MARCHF1: variants seen among roughly 807,000 people sequenced by gnomAD.
The protein encoded by MARCHF1 is membrane associated ring-CH-type finger 1, also known as E3 ubiquitin-protein ligase MARCHF1.
A neutral mutation model predicts 54.2 loss-of-function variants in MARCHF1; 40 were observed. The ratio of observed to expected loss-of-function variants is 0.74; its 90% CI spans 0.57 to 0.96. The LOEUF is 0.96. Among genes scored for constraint, MARCHF1 ranks in the 40% least tolerant of loss-of-function variants. The pLI, the probability that MARCHF1 is intolerant of heterozygous loss-of-function variation, is 0.00. For synonymous variants in MARCHF1, 236 were observed against 236.3 expected, an observed-to-expected ratio of 1.00 and a Z score of 0.01; for missense variants, 586 against 656.5, an observed-to-expected ratio of 0.89 and a Z score of 1.17.
At chr4:163,916,911 G>A (rs1751319675) in intron 3 of MARCHF1, among the ~76,000 whole-genome samples, 1 of 152,032 alleles carries the variant, frequency 6.6e-6, no homozygotes, top group South Asian at 2.1e-4. Context: ...TGTCCTCTAT[G>A]GGTTTTGACA....
chr4:163,766,277 G>A (rs902718765), intron 4 of MARCHF1, among the ~76,000 whole-genome samples: 7 of 152,140 alleles, frequency 4.6e-5, no homozygotes, highest in African/African-American at 1.7e-4. Context: ...GTCATCCAGA[G>A]CAAACCAATA....
At chr4:164,379,560 C>T (rs1022139354) in intron 1 of MARCHF1, among the ~76,000 whole-genome samples, 2 of 152,098 alleles carry the variant, frequency 1.3e-5, no homozygotes, top group Non-Finnish European at 2.9e-5. Flanking sequence ...AAACTTATAC[C>T]TAGCAATATA....
chr4:164,154,683 T>C lies in MARCHF1; in HGVS notation c.-322-43021A>G, dbSNP rs914615149. 2.6e-5 allele frequency among the ~76,000 whole-genome samples: 4 copies of C among 152,126 alleles called. No homozygotes were observed. In the South Asian group the frequency reaches 8.3e-4, roughly 32 times the overall value. ...GCATCTAAGGGTAGGAGTCTGAGAC[T>C]CCCAAAGCCCAAGTGGGTGTGTGTT... is the stretch of plus-strand genomic sequence containing the variant. On this transcript the variant is annotated intron_variant, in intron 1 of 9. Coordinates refer to ENST00000514618, the MANE Select transcript of MARCHF1 (RefSeq NM_001394959.1).
chr4:164,215,932 T>G (rs1296186586), intron 1 of MARCHF1, among the ~76,000 whole-genome samples: 1 of 152,226 alleles, frequency 6.6e-6, no homozygotes, highest in Non-Finnish European at 1.5e-5. Context: ...ATTGTTGAAA[T>G]GTAATCAGAA....
chr4:164,180,277 A>C (rs1342155668), intron 1 of MARCHF1, among the ~76,000 whole-genome samples: 1 of 152,098 alleles, frequency 6.6e-6, no homozygotes, highest in Non-Finnish European at 1.5e-5. Context: ...TTATTAGATA[A>C]ATTCAACATG....
intron 3 of MARCHF1, among the ~76,000 whole-genome samples, chr4:163,958,553 A>G (rs1263438086): frequency 6.6e-6 from 1 of 152,050 alleles, no homozygotes; most frequent in Non-Finnish European, 1.5e-5. Context: ...TATTTTACAT[A>G]TTGAGGAAAA....
chr4:164,298,438 G>A (rs926904366), intron 1 of MARCHF1, among the ~76,000 whole-genome samples: 1 of 151,900 alleles, frequency 6.6e-6, no homozygotes, highest in African/African-American at 2.4e-5. Context: ...AGTCTGAGCA[G>A]GGAATACCCA....
chr4:164,268,533 CCA>C, intron 1 of MARCHF1, among the ~76,000 whole-genome samples: 2 of 152,068 alleles, frequency 1.3e-5, no homozygotes, highest in Non-Finnish European at 2.9e-5. Context: ...GGTTCTGTGC[CCA>C]CACTCTAGAC....
rs116616623 is a variant in MARCHF1 at position 163,781,800 on chromosome 4, G to A, written c.111+72221C>T. Among the ~76,000 whole-genome samples, 413 of 152,276 alleles carry A rather than the reference G, an allele frequency of 2.7e-3. 1 individual carries two copies. The highest frequency in any genetic ancestry group is 9.4e-3 in the African/African-American group (389 of 41,540). On this transcript the variant is annotated intron_variant, in intron 4 of 9. Transcript: ENST00000514618. The stretch of plus-strand genomic sequence containing the variant: ...AAACATTTTCTGTAAGAGGGCCTGA[G>A]GCAAAATGATTCCAAGTTTGGAAAA...
In MARCHF1 at chr4:164,110,651, C is replaced by T. The variant is rs186360386; in HGVS notation, c.-248+937G>A. On this transcript the variant is annotated intron_variant, in intron 2 of 9. Coordinates refer to ENST00000514618, the MANE Select transcript of MARCHF1 (RefSeq NM_001394959.1). ...TCTAGTCGATCCCTCCATTCATTTACTATGAGGCGATACAATCATATTTTT... is the reference window on the plus strand; with the variant it reads ...TCTAGTCGATCCCTCCATTCATTTATTATGAGGCGATACAATCATATTTTT... Among the ~76,000 whole-genome samples the T allele has an allele frequency of 1.3e-3, 189 of 150,722 alleles. 1 individual carries two copies. The highest frequency in any genetic ancestry group is 1.0e-3 in the Non-Finnish European group (70 of 67,498).
chr4:164,213,299 G>C (rs1209527791), intron 1 of MARCHF1, among the ~76,000 whole-genome samples: 1 of 151,006 alleles, frequency 6.6e-6, no homozygotes, highest in African/African-American at 2.4e-5. Context: ...AGTGGCGCAA[G>C]CTCTGCTCAC....
chr4:163,681,754 T>C (rs1248168935), intron 5 of MARCHF1, among the ~76,000 whole-genome samples: 1 of 152,172 alleles, frequency 6.6e-6, no homozygotes, highest in Non-Finnish European at 1.5e-5. Context: ...CCTCTTTCCT[T>C]TATAAGTTAC....
At chr4:164,279,274 G>A (rs1264591277) in intron 1 of MARCHF1, among the ~76,000 whole-genome samples, 1 of 151,228 alleles carries the variant, frequency 6.6e-6, no homozygotes, top group African/African-American at 2.4e-5. Context: ...ATTATATGGA[G>A]GATTTTTAGA....
chr4:163,883,257 ATGAG>A (rs1221817373), intron 3 of MARCHF1, among the ~76,000 whole-genome samples: 16 of 25,454 alleles, frequency 6.3e-4, no homozygotes, highest in Non-Finnish European at 1.3e-4. Flanking sequence ...ATATATATAT[ATGAG>A]AGAGAGAGAG....
chr4:163,670,380 A>G (rs201733833), intron 5 of MARCHF1, among the ~76,000 whole-genome samples: 75 of 117,978 alleles, frequency 6.4e-4, no homozygotes, highest in Middle Eastern at 4.5e-3. Context: ...CTATCTATCT[A>G]TCTGTCTGTC....
intron 1 of MARCHF1, among the ~76,000 whole-genome samples, chr4:164,251,060 T>C (rs1201722231): frequency 6.6e-6 from 1 of 152,194 alleles, no homozygotes; most frequent in African/African-American, 2.4e-5. Flanking sequence ...GAACAATTAT[T>C]ATTAGCATAA....
rs1429997383 is a variant in MARCHF1 at position 164,346,573 on chromosome 4, T to C, written c.-323+37297A>G. Among the ~76,000 whole-genome samples the C allele has an allele frequency of 3.0e-4, 41 of 135,066 alleles. No homozygotes were observed. In the Middle Eastern group the frequency reaches 0.019, roughly 63 times the overall value. The allele number at this position is 135,066 out of a possible 152,430, so 88.6% of individuals were successfully genotyped here. ...CCCAGTAATGAATGGACCTGACAAA[T>C]GCTGATGTCCTCAAACCTGTATGTA... is the stretch of plus-strand genomic sequence containing the variant. On this transcript the variant is annotated intron_variant, in intron 1 of 9. Coordinates refer to ENST00000514618, the MANE Select transcript of MARCHF1 (RefSeq NM_001394959.1).
intron 4 of MARCHF1, among the ~76,000 whole-genome samples, chr4:163,822,380 G>A (rs751867606): frequency 3.9e-4 from 60 of 151,968 alleles, no homozygotes; most frequent in Middle Eastern, 3.4e-3. Context: ...CCAATTATAT[G>A]AATAGTTTTG....
intron 1 of MARCHF1, among the ~76,000 whole-genome samples, chr4:164,252,383 CTT>C (rs1000491522): frequency 6.6e-6 from 1 of 152,080 alleles, no homozygotes; most frequent in African/African-American, 2.4e-5. Context: ...AAAGAAATCA[CTT>C]GAGCTAATCC....
Sources: allele counts gnomAD v4.1 joint callset (sites outside exome capture counted in the v4.1 genomes callset), GRCh38; gene constraint gnomAD v4.1.1; transcripts MANE v1.5; gene names NCBI Gene and HGNC (gene_info 2026-07-23, HGNC 2026-07-21).